RIT2: variants seen among roughly 807,000 people sequenced by gnomAD.
The protein encoded by RIT2 is Ras like without CAAX 2, also known as GTP-binding protein Rit2.
Under a neutral mutation model 23.7 loss-of-function variants are expected in RIT2, and 24 were observed. The ratio of observed to expected loss-of-function variants is 1.01; its 90% CI spans 0.73 to 1.43. The LOEUF (loss-of-function observed/expected upper bound fraction) is 1.43. Ranked by LOEUF, RIT2 falls within the 40% of genes most tolerant of loss-of-function variation. The pLI, the probability that RIT2 is intolerant of heterozygous loss-of-function variation, is 0.00. For missense variants in RIT2, 236 were observed against 266.9 expected, an observed-to-expected ratio of 0.88 and a Z score of 0.81; for synonymous variants, 107 against 91.1, an observed-to-expected ratio of 1.17 and a Z score of -0.99.
chr18:43,050,243 C>A (rs1007201186), intron 1 of RIT2, among the ~76,000 whole-genome samples: 5 of 151,828 alleles, frequency 3.3e-5, no homozygotes, highest in Non-Finnish European at 1.5e-5. Context: ...GTTGTCCTGG[C>A]TGGTCTCAAA....
chr18:43,022,529 A>G (rs1372840257), intron 2 of RIT2, among the ~76,000 whole-genome samples: 2 of 152,126 alleles, frequency 1.3e-5, no homozygotes, highest in Admixed American at 1.3e-4. Flanking sequence ...TGACCATAAC[A>G]TATTCTCTAC....
At chr18:43,086,528 G>A (rs1913286531) in intron 1 of RIT2, among the ~76,000 whole-genome samples, 1 of 152,138 alleles carries the variant, frequency 6.6e-6, no homozygotes, top group African/African-American at 2.4e-5. Context: ...TGTAACTGTA[G>A]AGAAAAGTAG....
intron 3 of RIT2, among the ~76,000 whole-genome samples, chr18:42,970,652 G>T (rs143828627): frequency 3.1e-3 from 474 of 151,984 alleles, no homozygotes; most frequent in Non-Finnish European, 5.2e-3. Context: ...ATGCCAAAAA[G>T]AATTTTTGAT....
intron 4 of RIT2, among the ~76,000 whole-genome samples, chr18:42,828,539 CA>C (rs2144004636): frequency 6.6e-6 from 1 of 152,128 alleles, no homozygotes; most frequent in East Asian, 1.9e-4. Flanking sequence ...TTAACGAAGT[CA>C]GTTGGCTGTT....
At chr18:43,065,948 G>A (rs1244200315) in intron 1 of RIT2, among the ~76,000 whole-genome samples, 2 of 152,110 alleles carry the variant, frequency 1.3e-5, no homozygotes, top group Non-Finnish European at 2.9e-5. Context: ...TTTATGTTAA[G>A]GCTATACAAT....
chr18:43,041,632 C>A (rs1292568814), intron 1 of RIT2, among the ~76,000 whole-genome samples: 1 of 152,026 alleles, frequency 6.6e-6, no homozygotes, highest in Non-Finnish European at 1.5e-5. Context: ...TAAAAACAAT[C>A]ATTTTTTAAA....
intron 4 of RIT2, among the ~76,000 whole-genome samples, chr18:42,879,561 C>T (rs1907834393): frequency 6.6e-6 from 1 of 152,056 alleles, no homozygotes; most frequent in Non-Finnish European, 1.5e-5. Flanking sequence ...TCTCTTTCTG[C>T]AAGTTGATAA....
chr18:43,052,194 ATTAAC>A (rs1192595398), intron 1 of RIT2, among the ~76,000 whole-genome samples: 1 of 152,108 alleles, frequency 6.6e-6, no homozygotes, highest in Non-Finnish European at 1.5e-5. Flanking sequence ...TAATTATGGA[ATTAAC>A]TTATATTATG....
chr18:42,769,141 G>A (rs1004104778), intron 4 of RIT2, among the ~76,000 whole-genome samples: 5 of 151,988 alleles, frequency 3.3e-5, no homozygotes, highest in Non-Finnish European at 5.9e-5. Context: ...TTCTACCTAA[G>A]AAAAAAGTCA....
chr18:43,036,591 A>C (rs1019553383), intron 1 of RIT2, among the ~76,000 whole-genome samples: 2 of 151,840 alleles, frequency 1.3e-5, no homozygotes, highest in Non-Finnish European at 2.9e-5. Flanking sequence ...AAAACAAAAC[A>C]AAAAGTATAT....
rs561247636 is a variant in RIT2 at position 42,980,259 on chromosome 18, G to T, written c.161-6112C>A. On this transcript the variant is annotated intron_variant, in intron 2 of 4. Transcript: ENST00000326695. ...GGACCTAAACCCTAGAAATTCACAGGAATTATAAGGCAGAGCATGGATTTT... is the reference window on the plus strand; with the variant it reads ...GGACCTAAACCCTAGAAATTCACAGTAATTATAAGGCAGAGCATGGATTTT... 2.6e-5 allele frequency among the ~76,000 whole-genome samples: 4 copies of T among 151,480 alleles called. No homozygotes were observed. The Admixed American group carries it at 2.7e-4, about 10-fold the overall frequency.
chr18:42,925,057 C>T (rs1568031663), intron 3 of RIT2, among the ~76,000 whole-genome samples: 1 of 151,960 alleles, frequency 6.6e-6, no homozygotes, highest in Non-Finnish European at 1.5e-5. Flanking sequence ...GAGACTTGTC[C>T]AAAGACCAAC....
At chr18:42,816,878 G>A (rs1387428466) in intron 4 of RIT2, among the ~76,000 whole-genome samples, 1 of 152,140 alleles carries the variant, frequency 6.6e-6, no homozygotes, top group East Asian at 1.9e-4. Context: ...ATAGTTGAAA[G>A]TATCAGCTAG....
chr18:42,747,414 T>C (rs1912943605), intron 4 of RIT2, among the ~76,000 whole-genome samples: 1 of 151,978 alleles, frequency 6.6e-6, no homozygotes, highest in Non-Finnish European at 1.5e-5. Context: ...CACAAACAAA[T>C]GAAAACACAT....
intron 2 of RIT2, among the ~76,000 whole-genome samples, chr18:43,025,533 G>A (rs1911696710): frequency 6.6e-6 from 1 of 151,840 alleles, no homozygotes; most frequent in Non-Finnish European, 1.5e-5. Context: ...ATCAAACTAA[G>A]TGTCCATAAA....
chr18:43,024,811 A>G (rs1463154789), intron 2 of RIT2, among the ~76,000 whole-genome samples: 1 of 152,096 alleles, frequency 6.6e-6, no homozygotes, highest in Non-Finnish European at 1.5e-5. Flanking sequence ...AAGACACACA[A>G]ACAGCCAACA....
At chr18:42,955,660 G>A (rs1909955725) in intron 3 of RIT2, among the ~76,000 whole-genome samples, 1 of 152,146 alleles carries the variant, frequency 6.6e-6, no homozygotes, top group African/African-American at 2.4e-5. Context: ...GTTTGAAGTA[G>A]CCTGATACTC....
intron 4 of RIT2, among the ~76,000 whole-genome samples, chr18:42,755,122 A>G (rs1913131521): frequency 6.6e-6 from 1 of 152,168 alleles, no homozygotes; most frequent in Non-Finnish European, 1.5e-5. Flanking sequence ...TGTACTCCCA[A>G]TAAATATGTT....
At chr18:42,776,299 C>T (rs1251484771) in intron 4 of RIT2, among the ~76,000 whole-genome samples, 3 of 152,182 alleles carry the variant, frequency 2.0e-5, no homozygotes, top group Non-Finnish European at 2.9e-5. Flanking sequence ...TCAGCAATTA[C>T]TAACTGATGC....
Sources: gnomAD v4.1 joint callset for allele counts (sites outside exome capture counted in the v4.1 genomes callset) on GRCh38, gnomAD v4.1.1 for gene constraint, MANE v1.5 for transcripts, NCBI Gene and HGNC (gene_info 2026-07-23, HGNC 2026-07-21) for gene names.